Variants in OSBPL10 observed in about 807,000 individuals in gnomAD.
OSBPL10 encodes the protein oxysterol-binding protein-related protein 10.
In OSBPL10, 49 loss-of-function variants were observed where a neutral mutation model predicts 81.7. That is an observed-to-expected ratio of 0.60 (90% CI 0.48 to 0.76). The LOEUF (loss-of-function observed/expected upper bound fraction) is 0.76. Ranked by LOEUF, OSBPL10 falls within the 30% of genes least tolerant of loss-of-function variation. The pLI is 0.00. For synonymous variants in OSBPL10, 419 were observed against 383.6 expected (o/e 1.09, Z -1.08); for missense variants, 923 against 987.8 (o/e 0.93, Z 0.88).
intron 3 of OSBPL10, among the ~76,000 whole-genome samples, chr3:31,860,860 T>G (rs1374387289): frequency 2.6e-4 from 33 of 127,472 alleles, no homozygotes; most frequent in African/African-American, 1.2e-3. Flanking sequence ...TTTTGGGGTT[T>G]TTTTTTTTGG....
chr3:31,748,795 T>C (rs566500566), intron 4 of OSBPL10, among the ~76,000 whole-genome samples: 10 of 152,242 alleles, frequency 6.6e-5, no homozygotes, highest in Middle Eastern at 3.4e-3. Context: ...CTTCAATTCA[T>C]AAGCTTATCA....
At chr3:31,707,328 C>A (rs1696102912) in intron 6 of OSBPL10, 1 of 152,180 alleles carries the variant, frequency 6.6e-6, no homozygotes, top group African/African-American at 2.4e-5. Context: ...AATATCTCAA[C>A]AGAAAAACAG....
intron 1 of OSBPL10, among the ~76,000 whole-genome samples, chr3:31,977,204 CAA>C (rs1462118727): frequency 6.6e-6 from 1 of 152,120 alleles, no homozygotes; most frequent in Non-Finnish European, 1.5e-5. Flanking sequence ...GCCCACAAAT[CAA>C]GAGTTATTCT....
intron 8 of OSBPL10, among the ~76,000 whole-genome samples, chr3:31,682,556 T>C (rs914652686): frequency 6.6e-6 from 1 of 152,232 alleles, no homozygotes; most frequent in Non-Finnish European, 1.5e-5. Context: ...TTGCCCGCTT[T>C]GGGTCTTTGC....
At chr3:31,706,564 T>C (rs1280085706) in intron 6 of OSBPL10, among the ~76,000 whole-genome samples, 1 of 151,936 alleles carries the variant, frequency 6.6e-6, no homozygotes, top group Non-Finnish European at 1.5e-5. Context: ...AGGAGATATA[T>C]GGGGCTATGC....
intron 2 of OSBPL10, among the ~76,000 whole-genome samples, chr3:31,987,660 G>T (rs1051171880): frequency 2.0e-5 from 3 of 152,328 alleles, no homozygotes; most frequent in South Asian, 4.1e-4. Context: ...GCCAGCCCAG[G>T]CTTGTTTTCA....
At chr3:31,784,947 C>G (rs892609948) in intron 4 of OSBPL10, among the ~76,000 whole-genome samples, 1 of 151,814 alleles carries the variant, frequency 6.6e-6, no homozygotes, top group African/African-American at 2.4e-5. Flanking sequence ...TGCAGTAGTA[C>G]AATAGCAGCT....
chr3:31,758,863 C>T (rs940688146), intron 4 of OSBPL10, among the ~76,000 whole-genome samples: 36 of 152,166 alleles, frequency 2.4e-4, no homozygotes, highest in Admixed American at 2.4e-3. Context: ...CTGTCTTATT[C>T]TTCCCACCCT....
chr3:31,704,797 G>A (rs373397634), intron 6 of OSBPL10: 40 of 152,162 alleles, frequency 2.6e-4, no homozygotes, highest in African/African-American at 8.7e-4. Flanking sequence ...ATAGACCTTC[G>A]GGGACCACAC....
At chr3:31,724,382 G>T (rs1696744923) in intron 6 of OSBPL10, among the ~76,000 whole-genome samples, 3 of 152,098 alleles carry the variant, frequency 2.0e-5, no homozygotes, top group Admixed American at 1.3e-4. Context: ...AGGCCTGGTG[G>T]GAGGGGAGAG....
At chr3:31,831,766 C>T (rs889043025) in intron 3 of OSBPL10, among the ~76,000 whole-genome samples, 3 of 152,132 alleles carry the variant, frequency 2.0e-5, no homozygotes, top group South Asian at 2.1e-4. Flanking sequence ...CACAGAGAAA[C>T]GAGTTTGTGG....
At chr3:31,955,481 C>G (rs1467719068) in intron 1 of OSBPL10, among the ~76,000 whole-genome samples, 3 of 152,210 alleles carry the variant, frequency 2.0e-5, no homozygotes, top group African/African-American at 4.8e-5. Flanking sequence ...GGCACTGCAG[C>G]CACAGCTACC....
intron 4 of OSBPL10, among the ~76,000 whole-genome samples, chr3:31,812,715 A>G (rs1375227593): frequency 5.7e-5 from 3 of 53,068 alleles, no homozygotes; most frequent in Non-Finnish European, 1.2e-4. Context: ...CAGTAGGCAA[A>G]AAAAAAGAAA....
intron 7 of OSBPL10, among the ~76,000 whole-genome samples, chr3:31,688,253 C>A (rs1241294866): frequency 1.4e-5 from 2 of 148,138 alleles, no homozygotes; most frequent in Non-Finnish European, 3.0e-5. Flanking sequence ...TGCCCCCATC[C>A]CTCCCTGCAC....
In OSBPL10 at chr3:31,748,028, G is replaced by A; in HGVS notation, c.822C>T (p.Asp274=). The change falls in exon 5 of 12, where the codon GAC becomes GAT. Residue 274 remains aspartate (D), a synonymous_variant. Transcript: ENST00000396556. ...CAGAGGTAGCTTTCAGGAGCAGCAG[G>A]TCCTGGTCCAAGGCAGTGAGGGGGC... ...GSGPLTALDQ[D]LLLLKATSAA... 1 of 1,614,190 alleles carries A rather than the reference G, an allele frequency of 6.2e-7. No homozygotes were observed. The highest frequency in any genetic ancestry group is 2.2e-5 in the East Asian group (1 of 44,876).
chr3:31,945,294 C>A (rs1439658976), intron 1 of OSBPL10, among the ~76,000 whole-genome samples: 2 of 152,090 alleles, frequency 1.3e-5, no homozygotes, highest in Non-Finnish European at 2.9e-5. Context: ...GGACTCTGGT[C>A]CAAAGTTACA....
chr3:31,827,936 T>C (rs922069590), intron 4 of OSBPL10, among the ~76,000 whole-genome samples: 7 of 152,216 alleles, frequency 4.6e-5, no homozygotes, highest in African/African-American at 1.7e-4. Flanking sequence ...AATCAAACGC[T>C]ACTAATTAAT....
At chr3:31,791,955 G>A (rs900504383) in intron 4 of OSBPL10, among the ~76,000 whole-genome samples, 4 of 152,024 alleles carry the variant, frequency 2.6e-5, no homozygotes, top group African/African-American at 9.7e-5. Context: ...TTTGAAACGA[G>A]CAAGACAAAG....
At chr3:31,779,751 A>G (rs371757486) in intron 4 of OSBPL10, among the ~76,000 whole-genome samples, 1 of 152,310 alleles carries the variant, frequency 6.6e-6, no homozygotes, top group East Asian at 1.9e-4. Context: ...CAGAATACAC[A>G]TTCTTTTCAT....
Sources: allele counts gnomAD v4.1 joint callset (sites outside exome capture counted in the v4.1 genomes callset), GRCh38; gene constraint gnomAD v4.1.1; transcripts MANE v1.5; gene names NCBI Gene and HGNC (gene_info 2026-07-23, HGNC 2026-07-21).